Variants in APBB2 observed in about 807,000 individuals in gnomAD.
APBB2 encodes the protein Fe65-like 1.
Under a neutral mutation model 82.5 loss-of-function variants are expected in APBB2, and 38 were observed. The observed-to-expected ratio is 0.46, with a 90% CI of 0.36 to 0.60. The LOEUF is 0.60. APBB2 is among the 20% of genes least tolerant of loss of function. The pLI is 0.00. For missense variants in APBB2, 772 were observed against 972.3 expected (o/e 0.79, Z 2.74); for synonymous variants, 341 against 368.2 (o/e 0.93, Z 0.85).
At chr4:40,979,962 T>C (rs1221299797) in intron 6 of APBB2, among the ~76,000 whole-genome samples, 3 of 152,208 alleles carry the variant, frequency 2.0e-5, no homozygotes, top group South Asian at 2.1e-4. Context: ...AAAACTAATA[T>C]AAGACACCTA....
At chr4:41,128,844 A>G (rs1755161904) in intron 2 of APBB2, among the ~76,000 whole-genome samples, 1 of 152,142 alleles carries the variant, frequency 6.6e-6, no homozygotes, top group South Asian at 2.1e-4. Flanking sequence ...CTAACGGGCT[A>G]TTATATATTT....
intron 1 of APBB2, among the ~76,000 whole-genome samples, chr4:41,187,055 TTTAAGA>T (rs1773093524): frequency 6.6e-6 from 1 of 152,218 alleles, no homozygotes; most frequent in African/African-American, 2.4e-5. Context: ...TGTGTTTTCA[TTTAAGA>T]TTATTTCAAG....
In APBB2 at chr4:41,046,126, A is replaced by G. The variant is rs541658397; in HGVS notation, c.-50-12822T>C. ...CCTCACATACGTCTTCTATTCGTAAATGAAAACTCTGGGGTAAAAGAAGGT... is the reference window on the plus strand; with the variant it reads ...CCTCACATACGTCTTCTATTCGTAAGTGAAAACTCTGGGGTAAAAGAAGGT... On this transcript the variant is annotated intron_variant, in intron 4 of 17. Coordinates refer to ENST00000508593, the MANE Select transcript of APBB2 (RefSeq NM_004307.2). Among the ~76,000 whole-genome samples, 4 of 152,338 alleles carry G rather than the reference A, an allele frequency of 2.6e-5. No homozygotes were observed. In the East Asian group the frequency reaches 5.8e-4, roughly 22 times the overall value.
At chr4:40,916,080 C>G (rs892592758) in intron 10 of APBB2, among the ~76,000 whole-genome samples, 4 of 152,164 alleles carry the variant, frequency 2.6e-5, no homozygotes, top group Non-Finnish European at 4.4e-5. Context: ...CAAAGAAACT[C>G]TCTGCCAAGA....
intron 12 of APBB2, chr4:40,842,364 G>A (rs1337044320): frequency 2.9e-5 from 13 of 455,290 alleles, no homozygotes; most frequent in Middle Eastern, 3.2e-4. Context: ...AAAATCGGCC[G>A]GTTACCTCTC....
At chr4:40,904,098 C>T (rs1776055851) in intron 10 of APBB2, among the ~76,000 whole-genome samples, 2 of 151,038 alleles carry the variant, frequency 1.3e-5, no homozygotes, top group Non-Finnish European at 2.9e-5. Context: ...TTTCTGCCCG[C>T]AGCCCAGGGT....
chr4:40,871,040 G>T (rs950183185), intron 12 of APBB2, among the ~76,000 whole-genome samples: 1 of 151,640 alleles, frequency 6.6e-6, no homozygotes, highest in African/African-American at 2.4e-5. Context: ...CTCTCAGAAG[G>T]ACACTTATGA....
intron 1 of APBB2, among the ~76,000 whole-genome samples, chr4:41,159,091 A>G (rs1390044851): frequency 6.6e-5 from 10 of 152,174 alleles, no homozygotes; most frequent in Admixed American, 6.5e-4. Context: ...AAGTTTAAAG[A>G]TGTAGGAAGG....
chr4:41,093,854 C>CA (rs1234300448), intron 3 of APBB2, among the ~76,000 whole-genome samples: 1,189 of 104,552 alleles, frequency 0.011, 12 homozygotes, highest in African/African-American at 0.031. Flanking sequence ...AACTTCATCT[C>CA]AAAAAAAAAA....
chr4:41,017,418 T>G (rs552457589), intron 5 of APBB2, among the ~76,000 whole-genome samples: 34 of 152,110 alleles, frequency 2.2e-4, no homozygotes, highest in Non-Finnish European at 4.7e-4. Flanking sequence ...AGCAAAATCC[T>G]AGAAAGATCA....
At chr4:40,816,426 C>T (rs1198526605) in intron 17 of APBB2, among the ~76,000 whole-genome samples, 167 bp from the exon 18 acceptor site, 3 of 152,220 alleles carry the variant, frequency 2.0e-5, no homozygotes, top group African/African-American at 7.2e-5. Context: ...GCTTTAAATT[C>T]TCCTAAAAGA....
chr4:41,128,034 T>G (rs1754887968), intron 2 of APBB2, among the ~76,000 whole-genome samples: 1 of 151,718 alleles, frequency 6.6e-6, no homozygotes. Context: ...ATGCCAAGAT[T>G]GCACCACTGC....
chr4:41,128,025 T>C (rs1441232359), intron 2 of APBB2, among the ~76,000 whole-genome samples: 2 of 151,846 alleles, frequency 1.3e-5, no homozygotes, highest in Non-Finnish European at 2.9e-5. Context: ...GATTGCAGTA[T>C]GCCAAGATTG....
chr4:41,056,726 CA>C (rs1466916234), intron 4 of APBB2, among the ~76,000 whole-genome samples: 1 of 152,140 alleles, frequency 6.6e-6, no homozygotes, highest in Non-Finnish European at 1.5e-5. Flanking sequence ...CCTTTTCCCT[CA>C]AAAAAGGGAA....
chr4:41,099,848 A>C (rs1309002796), intron 3 of APBB2, among the ~76,000 whole-genome samples: 2 of 152,160 alleles, frequency 1.3e-5, no homozygotes, highest in Non-Finnish European at 2.9e-5. Context: ...CATGCTAGAG[A>C]GGATATTTGT....
intron 6 of APBB2, among the ~76,000 whole-genome samples, chr4:40,982,281 A>AGAAAGAAAGAAGGAAGGAAG (rs1798874676): frequency 1.1e-4 from 2 of 17,476 alleles, no homozygotes; most frequent in Admixed American, 1.2e-3. Context: ...AAAGAAAGAA[A>AGAAAGAAAGAAGGAAGGAAG]GAAGGAAGGA....
At chr4:41,052,540 C>T (rs1726388306) in intron 4 of APBB2, among the ~76,000 whole-genome samples, 2 of 152,178 alleles carry the variant, frequency 1.3e-5, no homozygotes, top group African/African-American at 4.8e-5. Flanking sequence ...TAAGATACTG[C>T]CATCGTGAAT....
intron 6 of APBB2, among the ~76,000 whole-genome samples, chr4:40,990,684 G>A (rs56131170): frequency 0.42 from 64,078 of 152,024 alleles, 13,998 homozygotes; most frequent in East Asian, 0.67. Context: ...TGCACAGGAA[G>A]TGGGTGCTGA....
intron 2 of APBB2, among the ~76,000 whole-genome samples, chr4:41,142,253 C>T (rs1036967559): frequency 5.3e-5 from 8 of 152,142 alleles, no homozygotes; most frequent in African/African-American, 1.9e-4. Context: ...ATGTCTGTCC[C>T]TGTATAATAT....
Sources: allele counts gnomAD v4.1 joint callset (sites outside exome capture counted in the v4.1 genomes callset), GRCh38; gene constraint gnomAD v4.1.1; transcripts MANE v1.5; gene names NCBI Gene and HGNC (gene_info 2026-07-23, HGNC 2026-07-21).